NRG1: variants seen among roughly 807,000 people sequenced by gnomAD.
NRG1 encodes the protein pro-neuregulin-1, membrane-bound isoform.
NRG1 carries 18 observed loss-of-function variants against 63.8 expected under a neutral mutation model. The observed-to-expected ratio is 0.28, with a 90% CI of 0.19 to 0.42. The LOEUF is 0.42. Among genes scored for constraint, NRG1 ranks in the 10% least tolerant of loss-of-function variants. NRG1 has a pLI of 1.00. For synonymous variants in NRG1, 302 were observed against 301.3 expected, an observed-to-expected ratio of 1.00 and a Z score of -0.02; for missense variants, 762 against 814.7, an observed-to-expected ratio of 0.94 and a Z score of 0.79.
intron 10 of NRG1, among the ~76,000 whole-genome samples, chr8:32,759,890 G>GT (rs1830383245): frequency 6.6e-6 from 1 of 152,142 alleles, no homozygotes; most frequent in South Asian, 2.1e-4. Flanking sequence ...ACAAGGAAAT[G>GT]TTTCTTTAAT....
intron 1 of NRG1, among the ~76,000 whole-genome samples, chr8:32,129,145 C>T (rs909395600): frequency 5.3e-5 from 8 of 151,956 alleles, no homozygotes; most frequent in African/African-American, 1.9e-4. Context: ...GTAACTCTGG[C>T]AGCTAGCACA....
At chr8:32,351,916 A>T (rs1805656830) in intron 1 of NRG1, among the ~76,000 whole-genome samples, 1 of 151,762 alleles carries the variant, frequency 6.6e-6, no homozygotes, top group Non-Finnish European at 1.5e-5. Context: ...AATAGAAGGG[A>T]CATTAAGTGA....
intron 1 of NRG1, among the ~76,000 whole-genome samples, chr8:31,797,552 A>G (rs2131698237): frequency 6.6e-6 from 1 of 152,328 alleles, no homozygotes; most frequent in East Asian, 1.9e-4. Flanking sequence ...AATAGTAGAG[A>G]GGCTTCTCAA....
At chr8:32,670,611 A>G (rs1805390471) in intron 5 of NRG1, among the ~76,000 whole-genome samples, 1 of 152,242 alleles carries the variant, frequency 6.6e-6, no homozygotes, top group South Asian at 2.1e-4. Flanking sequence ...ATATGCAGAA[A>G]TGGTGAAAAA....
chr8:31,950,622 A>T (rs189571683), intron 1 of NRG1, among the ~76,000 whole-genome samples: 2 of 152,154 alleles, frequency 1.3e-5, no homozygotes, highest in Non-Finnish European at 2.9e-5. Context: ...AATATTCTGT[A>T]TTGTTCTGAG....
At chr8:31,932,946 C>T (rs1834985117) in intron 1 of NRG1, among the ~76,000 whole-genome samples, 2 of 152,158 alleles carry the variant, frequency 1.3e-5, no homozygotes, top group Admixed American at 1.3e-4. Flanking sequence ...CATTCATGAG[C>T]ATCTCATGTA....
intron 1 of NRG1, among the ~76,000 whole-genome samples, chr8:32,294,058 A>T (rs1029226749): frequency 3.9e-5 from 6 of 151,978 alleles, no homozygotes; most frequent in Admixed American, 3.9e-4. Flanking sequence ...TGCTGGGGGA[A>T]CACCCTCATG....
intron 1 of NRG1, among the ~76,000 whole-genome samples, chr8:32,196,943 CTTTTTTTTTTTTTTTTTTTTTTT>C (rs773398472): frequency 3.6e-5 from 1 of 27,442 alleles, no homozygotes; most frequent in African/African-American, 1.1e-4. Context: ...TCAGAACATT[CTTTTTTTTTTTTTTTTTTTTTTT>C]TTTTTTTTTT....
chr8:32,489,968 G>T (rs1203377332), intron 1 of NRG1, among the ~76,000 whole-genome samples: 4 of 152,158 alleles, frequency 2.6e-5, no homozygotes, highest in African/African-American at 7.2e-5. Context: ...TCAAAGTGTA[G>T]TATCTGGAGC....
intron 5 of NRG1, among the ~76,000 whole-genome samples, chr8:32,669,012 T>G (rs140148000): frequency 6.5e-4 from 99 of 152,332 alleles, no homozygotes; most frequent in South Asian, 1.7e-3. Context: ...ATCCACAGTT[T>G]GTGAGGCAGA....
intron 1 of NRG1, among the ~76,000 whole-genome samples, chr8:31,867,522 A>G (rs1323710671): frequency 6.6e-6 from 1 of 152,128 alleles, no homozygotes; most frequent in East Asian, 1.9e-4. Flanking sequence ...CTGCATGTTT[A>G]TAATTATAGC....
chr8:31,689,996 C>T (rs955440475), intron 1 of NRG1, among the ~76,000 whole-genome samples: 11 of 152,166 alleles, frequency 7.2e-5, no homozygotes, highest in African/African-American at 2.7e-4. Flanking sequence ...TTCCCATAAT[C>T]CCCACGTGTC....
intron 1 of NRG1, among the ~76,000 whole-genome samples, chr8:32,201,682 C>G (rs921470949): frequency 2.0e-5 from 3 of 152,184 alleles, no homozygotes. Flanking sequence ...TTACAAATAA[C>G]TGACTTATCA....
intron 1 of NRG1, among the ~76,000 whole-genome samples, chr8:32,330,041 TAAAAAAAAAAAAAAAAAAAAAAAAAA>T (rs532006401): frequency 4.7e-5 from 2 of 42,978 alleles, no homozygotes; most frequent in Admixed American, 3.9e-4. Context: ...CCTAGCTAAT[TAAAAAAAAAAAAAAAAAAAAAAAAAA>T]AAAAAAAAAA....
rs1563334312 is a variant in NRG1 at position 32,341,089 on chromosome 8, G to T, written c.38-254739G>T. On this transcript the variant is annotated intron_variant, in intron 1 of 10. Transcript: ENST00000519301. ...TAGCTCAAATCATTTAACTCAGTGT[G>T]TCTACATCTTTTTCCTGTATCTTCA... Among the ~76,000 whole-genome samples, 4 of 152,172 alleles carry T rather than the reference G, an allele frequency of 2.6e-5. No homozygotes were observed. In the South Asian group the frequency reaches 8.3e-4, roughly 32 times the overall value.
rs1251866299 is a variant in NRG1, at chr8:31,800,872, G to A, written c.37+161441G>A. 3.4e-5 allele frequency among the ~76,000 whole-genome samples: 4 copies of A among 116,444 alleles called. No homozygotes were observed. The Admixed American group carries it at 3.5e-4, about 10-fold the overall frequency. 76.4% of individuals were successfully genotyped at this position (116,444 alleles called of 152,430 possible). On this transcript the variant is annotated intron_variant, in intron 1 of 10. Coordinates refer to the NRG1 transcript ENST00000519301. ...TTTTTTTTTTTTGAGATGGAGTCTC[G>A]CTCCATCTCCCAGGCTGGAGTGCAG...
At chr8:31,686,934 T>G (rs1457135418) in intron 1 of NRG1, among the ~76,000 whole-genome samples, 1 of 151,808 alleles carries the variant, frequency 6.6e-6, no homozygotes, top group Non-Finnish European at 1.5e-5. Flanking sequence ...CACCTGGCTA[T>G]TTTTTTGTAT....
Position 32,708,440 on chromosome 8 carries a change from A to G in NRG1, c.503-19509A>G, listed in dbSNP as rs146887977. 1.8e-3 allele frequency among the ~76,000 whole-genome samples: 280 copies of G among 152,344 alleles called. 2 individuals are homozygous for G. Among genetic ancestry groups the G allele is most frequent in the African/African-American group, 6.5e-3 (272 of 41,586 alleles). Reference sequence around the variant, plus strand: ...TTGGTTTTTATTTGTACATGTAAACAAAAATTGATAGCTTTCCCCAAATTC... The same window carrying G: ...TTGGTTTTTATTTGTACATGTAAACGAAAATTGATAGCTTTCCCCAAATTC... On this transcript the variant is annotated intron_variant, in intron 5 of 11. Coordinates refer to ENST00000356819, the Ensembl canonical transcript of NRG1.
chr8:32,218,516 C>G (rs942301300), intron 1 of NRG1, among the ~76,000 whole-genome samples: 3 of 152,280 alleles, frequency 2.0e-5, no homozygotes, highest in Admixed American at 1.3e-4. Flanking sequence ...CCTTTTAACA[C>G]GACCAAGAGT....
Sources: gnomAD v4.1 joint callset for allele counts (sites outside exome capture counted in the v4.1 genomes callset) on GRCh38, gnomAD v4.1.1 for gene constraint, MANE v1.5 for transcripts, NCBI Gene and HGNC (gene_info 2026-07-23, HGNC 2026-07-21) for gene names.